The following SUPV3L1 variants were observed in gnomAD, a reference collection of about 807,000 sequenced individuals.
SUPV3L1 encodes Suv3 like RNA helicase.
In SUPV3L1, 35 loss-of-function variants were observed where a neutral mutation model predicts 70.0. The ratio of observed to expected loss-of-function variants is 0.50; its 90% CI spans 0.38 to 0.66. SUPV3L1 has a LOEUF of 0.66. SUPV3L1 is among the 30% of genes least tolerant of loss of function. The pLI, the probability that SUPV3L1 is intolerant of heterozygous loss-of-function variation, is 0.00. For missense variants in SUPV3L1, 777 were observed against 961.5 expected (o/e 0.81, Z 2.54); for synonymous variants, 364 against 341.9 (o/e 1.06, Z -0.71).
chr10:69,188,783 G>A (rs1468501616), intron 4 of SUPV3L1, among the ~76,000 whole-genome samples: 1 of 152,176 alleles, frequency 6.6e-6, no homozygotes, highest in African/African-American at 2.4e-5. Context: ...ACAGGCGTGA[G>A]CCACCATGCC....
intron 12 of SUPV3L1, 81 bp downstream of exon 12, chr10:69,202,600 T>G: frequency 7.6e-7 from 1 of 1,319,570 alleles, no homozygotes; most frequent in Non-Finnish European, 1.1e-6. Context: ...TGAGCATGAA[T>G]GGATAGTCTG....
At chr10:69,203,144 A>G in intron 13 of SUPV3L1, 101 bp downstream of exon 13, 2 of 1,275,036 alleles carry the variant, frequency 1.6e-6, no homozygotes, top group Non-Finnish European at 2.1e-6. Context: ...AAGAGTATTC[A>G]GTAATATGAG....
intron 7 of SUPV3L1, among the ~76,000 whole-genome samples, chr10:69,196,284 G>C (rs964738448): frequency 6.6e-6 from 1 of 152,090 alleles, no homozygotes; most frequent in Non-Finnish European, 1.5e-5. Context: ...TTGAGGCAAG[G>C]AATTCAAGAC....
intron 3 of SUPV3L1, 45 bp from the exon 4 acceptor site, chr10:69,187,597 A>G: frequency 7.3e-7 from 1 of 1,378,176 alleles, no homozygotes; most frequent in Non-Finnish European, 1.0e-6. Flanking sequence ...TTAGTTACGA[A>G]TTTTATGTAG....
In SUPV3L1 at chr10:69,207,873, T is replaced by C. The variant is rs1211211850; in HGVS notation, c.1857T>C (p.Pro619=). ...ACATCAAATGGCCTTTACTTCCACC[T>C]AAGAATATTAAAGACCTCATGGATC... The part of the protein sequence containing the change: ...RRYIKWPLLP[P]KNIKDLMDLE... Residue 619 remains proline, a synonymous_variant, in exon 14 of 15, where the codon CCT becomes CCC. Transcript: ENST00000359655. 2.5e-6 allele frequency: 4 copies of C among 1,614,086 alleles called. No individual in the cohort carries two copies. The highest frequency in any genetic ancestry group is 3.4e-6 in the Non-Finnish European group (4 of 1,180,040).
At position 69,181,581 on chromosome 10, in the gene SUPV3L1, C is replaced by A. The variant is rs928280414; in HGVS notation, c.271+1019C>A. Among the ~76,000 whole-genome samples, 5 of 152,224 alleles carry A rather than the reference C, an allele frequency of 3.3e-5. No homozygotes were observed. In the East Asian group the frequency reaches 9.6e-4, roughly 29 times the overall value. On this transcript the variant is annotated intron_variant, in intron 1 of 14. Coordinates refer to ENST00000359655, the MANE Select transcript of SUPV3L1 (RefSeq NM_003171.5). ...ATTTTCTGCTGTTATAACATAATAC[C>A]TGAGACTGAGTAATTTATAAACAAT...
At chr10:69,200,545 A>C in intron 11 of SUPV3L1, 46 bp downstream of exon 11, 3 of 1,487,424 alleles carry the variant, frequency 2.0e-6, no homozygotes, top group Non-Finnish European at 2.8e-6. Flanking sequence ...GAGGAGAGTC[A>C]TTCTTTCCCT....
chr10:69,190,454 G>C (rs954998112), intron 5 of SUPV3L1, among the ~76,000 whole-genome samples: 17 of 151,330 alleles, frequency 1.1e-4, no homozygotes, highest in Admixed American at 2.6e-4. Flanking sequence ...AACAGTTTGA[G>C]CAATTTACAT....
chr10:69,193,149 C>G (rs1452327579), intron 6 of SUPV3L1: 1 of 152,158 alleles, frequency 6.6e-6, no homozygotes, highest in Admixed American at 6.5e-5. Context: ...TATCCGGAAT[C>G]AATAGGTGTT....
chr10:69,190,908 A>G (rs1366604051), intron 5 of SUPV3L1, among the ~76,000 whole-genome samples: 2 of 152,246 alleles, frequency 1.3e-5, no homozygotes, highest in African/African-American at 2.4e-5. Context: ...ATTCTGGGGA[A>G]CCCATTAGTC....
intron 13 of SUPV3L1, among the ~76,000 whole-genome samples, chr10:69,203,448 G>C (rs1189382515): frequency 6.6e-6 from 1 of 152,024 alleles, no homozygotes; most frequent in African/African-American, 2.4e-5. Context: ...TGGATCACTT[G>C]AGGTCAGGAA....
At chr10:69,204,726 T>C (rs1842778733) in intron 13 of SUPV3L1, among the ~76,000 whole-genome samples, 1 of 152,178 alleles carries the variant, frequency 6.6e-6, no homozygotes, top group Non-Finnish European at 1.5e-5. Context: ...TGCATGTTCA[T>C]GTGGAAACAC....
chr10:69,206,376 A>G (rs1276855889), intron 13 of SUPV3L1, among the ~76,000 whole-genome samples: 2 of 152,138 alleles, frequency 1.3e-5, no homozygotes, highest in Non-Finnish European at 2.9e-5. Flanking sequence ...AATTTCCCCT[A>G]ATCAGGAAAT....
intron 10 of SUPV3L1, 90 bp from the exon 11 acceptor site, chr10:69,200,190 A>G: frequency 9.6e-7 from 1 of 1,042,484 alleles, no homozygotes; most frequent in Non-Finnish European, 1.4e-6. Context: ...AAGAGGACCT[A>G]AGCTAGTATT....
chr10:69,196,439 C>T (rs1589384920), intron 7 of SUPV3L1, among the ~76,000 whole-genome samples: 1 of 151,642 alleles, frequency 6.6e-6, no homozygotes, highest in East Asian at 1.9e-4. Flanking sequence ...TGCAGTGAAC[C>T]ACAGTGAACC....
At chr10:69,196,585 T>G (rs1193422631) in intron 7 of SUPV3L1, among the ~76,000 whole-genome samples, 2 of 152,048 alleles carry the variant, frequency 1.3e-5, no homozygotes, top group African/African-American at 4.8e-5. Context: ...TGGAAGTGGA[T>G]CTGCTCGGGG....
At position 69,207,906 on chromosome 10, in the gene SUPV3L1, T is replaced by C; in HGVS notation, c.1890T>C (p.Ala630=). The C allele has an allele frequency of 6.2e-7, 1 of 1,614,190 alleles. No individual in the cohort carries two copies. Among genetic ancestry groups the C allele is most frequent in the Non-Finnish European group, 8.5e-7 (1 of 1,180,028 alleles). Residue 630 remains alanine (A), a synonymous_variant, in exon 14 of 15, where the codon GCT becomes GCC. Coordinates refer to ENST00000359655, the MANE Select transcript of SUPV3L1 (RefSeq NM_003171.5). ...TTAAAGACCTCATGGATCTTGAAGC[T>C]GTCCACGATGTCTTGGATCTTTACT... ...KNIKDLMDLE[A]VHDVLDLYLW...
At chr10:69,182,496 T>G in intron 1 of SUPV3L1, 10 of 984,368 alleles carry the variant, frequency 1.0e-5, no homozygotes, top group Non-Finnish European at 1.1e-5. Flanking sequence ...TATTCAAATA[T>G]TGATAAATTC....
rs373503660 is a variant in SUPV3L1, at chr10:69,208,720, G to A, written c.2046G>A (p.Thr682=). 15 of 1,614,140 alleles carry A rather than the reference G, an allele frequency of 9.3e-6. No individual in the cohort carries two copies. The highest frequency in any genetic ancestry group is 2.2e-5 in the East Asian group (1 of 44,890). ...CTAAATTGATTAAAATGTCTGAGAC[G>A]CATAAGCTGTTGAATTTGGAGGGCT... ...NITKLIKMSE[T]HKLLNLEGFP... The change falls in exon 15 of 15, where the codon ACG becomes ACA. Residue 682 remains threonine (T), a synonymous_variant. Coordinates refer to ENST00000359655, the MANE Select transcript of SUPV3L1 (RefSeq NM_003171.5).
Sources: allele counts gnomAD v4.1 joint callset (sites outside exome capture counted in the v4.1 genomes callset), GRCh38; gene constraint gnomAD v4.1.1; transcripts MANE v1.5; gene names NCBI Gene and HGNC (gene_info 2026-07-23, HGNC 2026-07-21).